OSMR: variants seen among roughly 807,000 people sequenced by gnomAD.
OSMR encodes oncostatin M receptor.
OSMR carries 81 observed loss-of-function variants against 99.9 expected under a neutral mutation model. That is an observed-to-expected ratio of 0.81 (90% CI 0.68 to 0.97). The LOEUF (loss-of-function observed/expected upper bound fraction) is 0.97. Among genes scored for constraint, OSMR ranks in the 50% least tolerant of loss-of-function variants. The probability of loss-of-function intolerance (pLI) is 0.00; values close to 1 mark genes in which losing one functional copy is unlikely to be tolerated. For synonymous variants in OSMR, 406 were observed against 410.4 expected, an observed-to-expected ratio of 0.99 and a Z score of 0.13; for missense variants, 1,099 against 1,153.4, an observed-to-expected ratio of 0.95 and a Z score of 0.68.
intron 9 of OSMR, among the ~76,000 whole-genome samples, chr5:38,908,654 GC>G (rs1399111394): frequency 6.6e-6 from 1 of 152,186 alleles, no homozygotes; most frequent in African/African-American, 2.4e-5. Context: ...GCTAAGCTGA[GC>G]TTTGGCCCCT....
intron 15 of OSMR, among the ~76,000 whole-genome samples, chr5:38,925,610 C>T (rs1454459981): frequency 6.6e-6 from 1 of 152,214 alleles, no homozygotes; most frequent in Admixed American, 6.5e-5. Context: ...CTAAAATCTT[C>T]CTTCTGCCTC....
chr5:38,866,996 T>C (rs1036998922), intron 1 of OSMR, among the ~76,000 whole-genome samples: 2 of 152,186 alleles, frequency 1.3e-5, no homozygotes, highest in Non-Finnish European at 2.9e-5. Context: ...ACTTCCCTGC[T>C]GAATTCCAGT....
rs371529362 is a variant in OSMR at position 38,869,153 on chromosome 5, C to T, written c.73+36C>T. 66 of 1,437,572 alleles carry T rather than the reference C, an allele frequency of 4.6e-5. No homozygotes were observed. In the African/African-American group the frequency reaches 7.1e-4, roughly 16 times the overall value. The allele number at this position is 1,437,572 out of a possible 1,614,324, so 89.1% of individuals were successfully genotyped here. On this transcript the variant is annotated intron_variant, in intron 2 of 17. Transcript: ENST00000274276. ...GAAGGAACAGTAAAGACAAAAATCA[C>T]GTCGGGAACAAATGAAGTCATTGAT...
intron 2 of OSMR, chr5:38,944,814 G>A: frequency 8.3e-7 from 1 of 1,210,404 alleles, no homozygotes; most frequent in Non-Finnish European, 1.2e-6. Flanking sequence ...TTACTGTTTT[G>A]AGACAACTTT....
intron 1 of OSMR, among the ~76,000 whole-genome samples, chr5:38,866,292 A>T (rs887333235): frequency 2.6e-5 from 4 of 152,164 alleles, no homozygotes; most frequent in Non-Finnish European, 4.4e-5. Context: ...CAATGCACTC[A>T]GGCAGTGCTA....
downstream of OSMR, among the ~76,000 whole-genome samples, chr5:38,937,207 G>GTAT (rs1004093056): frequency 1.2e-4 from 18 of 152,134 alleles, no homozygotes; most frequent in Admixed American, 8.5e-4. The surrounding 1 kb of genome is among the most constrained non-coding windows in gnomAD (Gnocchi z 4.0). Context: ...TGATTTTTTT[G>GTAT]TATTTTTAGT....
At chr5:38,869,229 T>C in intron 2 of OSMR, 112 bp downstream of exon 2, 1 of 858,978 alleles carries the variant, frequency 1.2e-6, no homozygotes, top group Non-Finnish European at 2.0e-6. Flanking sequence ...TTACTTAAAA[T>C]TCCTGAGTAT....
intron 2 of OSMR, chr5:38,944,900 T>C (rs755408099): frequency 2.5e-6 from 4 of 1,611,656 alleles, no homozygotes; most frequent in East Asian, 4.5e-5. Context: ...TGGATTTGAA[T>C]CTGAAGACTC....
chr5:38,945,089 T>A, exon 3 of OSMR: 1 of 1,551,340 alleles, frequency 6.4e-7, no homozygotes, highest in Non-Finnish European at 8.8e-7. Context: ...AAATAATTAT[T>A]TCAATTAAAG....
chr5:38,856,460 A>G (rs962643683), intron 1 of OSMR, among the ~76,000 whole-genome samples: 10 of 152,196 alleles, frequency 6.6e-5, no homozygotes, highest in Non-Finnish European at 1.5e-4. Context: ...TGCTGGAAAT[A>G]ATAATCACTT....
chr5:38,908,202 G>A (rs1056339154), intron 9 of OSMR, among the ~76,000 whole-genome samples: 1 of 152,132 alleles, frequency 6.6e-6, no homozygotes, highest in South Asian at 2.1e-4. Context: ...ATGCATGGAT[G>A]CTGGCAACTC....
In OSMR at chr5:38,933,289, A is replaced by C. The variant is rs758192210; in HGVS notation, c.2785A>C (p.Lys929Gln). ...SQLASPMFGD[K>Q]DSLPTNPVEA... is the part of the protein sequence containing the mutation. ...GTTGGCTTCACCCATGTTTGGAGACAAGGACAGTCTCCCAACAAACCCAGT... is the reference window on the plus strand; with the variant it reads ...GTTGGCTTCACCCATGTTTGGAGACCAGGACAGTCTCCCAACAAACCCAGT... Residue 929 changes from lysine (K) to glutamine (Q), a missense_variant, in exon 18 of 18, where the codon AAG becomes CAG. Lys to Gln is a moderately conservative substitution (Grantham distance 53). Coordinates refer to ENST00000274276, the MANE Select transcript of OSMR (RefSeq NM_003999.3). The C allele has an allele frequency of 6.2e-7, 1 of 1,614,176 alleles. No individual in the cohort carries two copies. Among genetic ancestry groups the C allele is most frequent in the African/African-American group, 1.3e-5 (1 of 75,054 alleles).
At chr5:38,872,691 T>G (rs1315280981) in intron 2 of OSMR, among the ~76,000 whole-genome samples, 2 of 152,204 alleles carry the variant, frequency 1.3e-5, no homozygotes, top group Non-Finnish European at 2.9e-5. Context: ...AGAAGAAAAT[T>G]AAGATCACTC....
At chr5:38,902,455 C>T (rs377750419) in intron 7 of OSMR, among the ~76,000 whole-genome samples, 2 of 152,222 alleles carry the variant, frequency 1.3e-5, no homozygotes, top group South Asian at 4.1e-4. Context: ...TGTCCGAAAA[C>T]CTCCCAATGT....
intron 7 of OSMR, among the ~76,000 whole-genome samples, chr5:38,891,495 T>C (rs935255434): frequency 6.6e-6 from 1 of 152,204 alleles, no homozygotes; most frequent in Non-Finnish European, 1.5e-5. Context: ...AGAACAGAGA[T>C]GAGCAAAGCC....
intron 13 of OSMR, among the ~76,000 whole-genome samples, chr5:38,924,115 T>C (rs1474465225): frequency 6.6e-6 from 1 of 152,224 alleles, no homozygotes; most frequent in East Asian, 1.9e-4. Context: ...AAGTCTCCTT[T>C]TTTTTAGAGT....
intron 1 of OSMR, among the ~76,000 whole-genome samples, chr5:38,849,339 A>C (rs1278022126): frequency 1.3e-5 from 2 of 152,230 alleles, no homozygotes; most frequent in Non-Finnish European, 2.9e-5. Context: ...CAGCTGATCC[A>C]ATAGCATTTA....
chr5:38,894,467 G>A (rs1487808492), intron 7 of OSMR, among the ~76,000 whole-genome samples: 2 of 151,994 alleles, frequency 1.3e-5, no homozygotes, highest in African/African-American at 4.8e-5. Context: ...TACATGTAAT[G>A]ACATCTATAG....
intron 4 of OSMR, among the ~76,000 whole-genome samples, chr5:38,883,176 G>A (rs1743431571): frequency 6.6e-6 from 1 of 152,192 alleles, no homozygotes; most frequent in African/African-American, 2.4e-5. Context: ...TCAGCTGGGT[G>A]TGGTGGCACA....
Sources: allele counts gnomAD v4.1 joint callset (sites outside exome capture counted in the v4.1 genomes callset), GRCh38; gene constraint gnomAD v4.1.1; non-coding constraint Gnocchi (gnomAD v3.1); transcripts MANE v1.5; gene names NCBI Gene and HGNC (gene_info 2026-07-23, HGNC 2026-07-21).